VSTM2L: variants seen among roughly 807,000 people sequenced by gnomAD.
The protein encoded by VSTM2L is V-set and transmembrane domain containing 2 like, also known as V-set and transmembrane domain-containing protein 2-like protein.
In VSTM2L, 9 loss-of-function variants were observed where a neutral mutation model predicts 19.9. That is an observed-to-expected ratio of 0.45 (90% CI 0.27 to 0.79). The LOEUF is 0.79. Among genes scored for constraint, VSTM2L ranks in the 30% least tolerant of loss-of-function variants. VSTM2L has a pLI of 0.15. For synonymous variants in VSTM2L, 127 were observed against 133.8 expected (o/e 0.95, Z 0.35); for missense variants, 286 against 295.5 (o/e 0.97, Z 0.24).
chr20:37,943,660 G>C (rs1282369534), intron 3 of VSTM2L, among the ~76,000 whole-genome samples: 1 of 152,044 alleles, frequency 6.6e-6, no homozygotes, highest in African/African-American at 2.4e-5. Flanking sequence ...CATCCCCTGG[G>C]GGTGGGCAGC....
chr20:37,927,487 G>C (rs1189179318), intron 1 of VSTM2L, among the ~76,000 whole-genome samples: 3 of 152,220 alleles, frequency 2.0e-5, no homozygotes. Context: ...CGGTGGAGAA[G>C]TGGCCGTGTG....
At chr20:37,936,296 A>G (rs1346956921) in intron 3 of VSTM2L, among the ~76,000 whole-genome samples, 1 of 152,182 alleles carries the variant, frequency 6.6e-6, no homozygotes, top group Non-Finnish European at 1.5e-5. Context: ...CCCTGTGTCT[A>G]CAGGGAACAG....
chr20:37,922,779 C>T (rs993442984), intron 1 of VSTM2L, among the ~76,000 whole-genome samples: 1 of 152,104 alleles, frequency 6.6e-6, no homozygotes, highest in Admixed American at 6.5e-5. Flanking sequence ...CTGGGGGCTG[C>T]CTGTGCTGGA....
chr20:37,936,242 G>A (rs991636349), intron 3 of VSTM2L, among the ~76,000 whole-genome samples: 15 of 151,848 alleles, frequency 9.9e-5, no homozygotes, highest in Middle Eastern at 3.2e-3. Flanking sequence ...GTGACATGAC[G>A]TGAACGAGTG....
At chr20:37,914,251 GTA>G (rs1486225712) in intron 1 of VSTM2L, among the ~76,000 whole-genome samples, 1 of 150,176 alleles carries the variant, frequency 6.7e-6, no homozygotes, top group Non-Finnish European at 1.5e-5. Flanking sequence ...CTATGTGTGT[GTA>G]TATCTGTGTA....
chr20:37,944,524 A>C lies in VSTM2L; in HGVS notation c.*271A>C. ...CGCCCTGAACACTGGGGCAGGGACCATGCTGGGGCCCGGGGCCACCCCCTT... is the reference window on the plus strand; with the variant it reads ...CGCCCTGAACACTGGGGCAGGGACCCTGCTGGGGCCCGGGGCCACCCCCTT... On this transcript the variant is annotated 3_prime_UTR_variant, in exon 4 of 4. Coordinates refer to ENST00000373461, the MANE Select transcript of VSTM2L (RefSeq NM_080607.3). 4.2e-6 allele frequency: 5 copies of C among 1,196,324 alleles called. No individual in the cohort carries two copies. Among genetic ancestry groups the C allele is most frequent in the Non-Finnish European group, 4.1e-6 (4 of 966,568 alleles). 74.1% of individuals were successfully genotyped at this position (1,196,324 alleles called of 1,614,324 possible).
At chr20:37,921,155 G>C (rs982446785) in intron 1 of VSTM2L, among the ~76,000 whole-genome samples, 1 of 152,172 alleles carries the variant, frequency 6.6e-6, no homozygotes, top group Non-Finnish European at 1.5e-5. Flanking sequence ...GGAGACCTCT[G>C]GGGGCACCAA....
intron 1 of VSTM2L, among the ~76,000 whole-genome samples, chr20:37,921,169 G>C (rs1026616487): frequency 2.6e-5 from 4 of 152,326 alleles, no homozygotes; most frequent in South Asian, 2.1e-4. Flanking sequence ...GCACCAAGCA[G>C]GGCTTCCACC....
intron 1 of VSTM2L, among the ~76,000 whole-genome samples, chr20:37,923,765 G>A (rs906095221): frequency 6.6e-6 from 1 of 152,086 alleles, no homozygotes; most frequent in Non-Finnish European, 1.5e-5. Flanking sequence ...AGGGGGCCGG[G>A]TTACAGGCTT....
At chr20:37,911,293 A>AG (rs1199602723) in intron 1 of VSTM2L, among the ~76,000 whole-genome samples, 3 of 151,154 alleles carry the variant, frequency 2.0e-5, no homozygotes. Flanking sequence ...AACACAGAGA[A>AG]GGACACTCAC....
intron 1 of VSTM2L, among the ~76,000 whole-genome samples, chr20:37,905,146 A>G (rs2344916): frequency 0.28 from 41,906 of 151,798 alleles, 8,056 homozygotes; most frequent in African/African-American, 0.55. Flanking sequence ...ATTCCCTCCC[A>G]TTCTAGGGAA....
At chr20:37,913,439 T>C (rs1160378525) in intron 1 of VSTM2L, among the ~76,000 whole-genome samples, 2 of 152,206 alleles carry the variant, frequency 1.3e-5, no homozygotes. Flanking sequence ...CTGGAGTCCT[T>C]TCTCTCTCCC....
At chr20:37,926,488 A>G (rs2072879938) in intron 1 of VSTM2L, among the ~76,000 whole-genome samples, 2 of 152,180 alleles carry the variant, frequency 1.3e-5, no homozygotes, top group African/African-American at 2.4e-5. Context: ...GGTTGCAGTG[A>G]GCCGAGATCA....
At chr20:37,930,277 G>A (rs984302277) in intron 1 of VSTM2L, among the ~76,000 whole-genome samples, 1 of 152,210 alleles carries the variant, frequency 6.6e-6, no homozygotes, top group Non-Finnish European at 1.5e-5. Flanking sequence ...GGGACAGGGG[G>A]ATGAGAGAGG....
Position 37,944,832 on chromosome 20 carries a change from C to G in VSTM2L, c.*579C>G, listed in dbSNP as rs2072999153. 1 of 985,930 alleles carries G rather than the reference C, an allele frequency of 1.0e-6. No homozygotes were observed. Among genetic ancestry groups the G allele is most frequent in the Non-Finnish European group, 1.2e-6 (1 of 830,138 alleles). The allele number at this position is 985,930 out of a possible 1,614,324, so 61.1% of individuals were successfully genotyped here. A position where few individuals can be genotyped will look rare whatever the true frequency, so the allele number is the denominator to read the frequency against. On this transcript the variant is annotated 3_prime_UTR_variant, in exon 4 of 4. Coordinates refer to ENST00000373461, the MANE Select transcript of VSTM2L (RefSeq NM_080607.3). ...CTAGGGGAACAGCGAGATGCCCCAC[C>G]ACCTCCTGGCGAGTCCTTCCTGTTC...
At chr20:37,917,062 C>T (rs2072822586) in intron 1 of VSTM2L, among the ~76,000 whole-genome samples, 1 of 152,104 alleles carries the variant, frequency 6.6e-6, no homozygotes, top group African/African-American at 2.4e-5. Context: ...ACCTGTAATC[C>T]CAGCACTTCT....
At chr20:37,932,993 C>T (rs2072919290) in intron 2 of VSTM2L, among the ~76,000 whole-genome samples, 2 of 152,272 alleles carry the variant, frequency 1.3e-5, no homozygotes. Flanking sequence ...CACTTCCAGC[C>T]CTGCCACATG....
Position 37,903,141 on chromosome 20 carries a change from C to T in VSTM2L, c.-210C>T. 1 of 543,260 alleles carries T rather than the reference C, an allele frequency of 1.8e-6. No individual in the cohort carries two copies. The highest frequency in any genetic ancestry group is 2.6e-6 in the Non-Finnish European group (1 of 378,914). The allele number at this position is 543,260 out of a possible 1,614,324, so 33.7% of individuals were successfully genotyped here. On this transcript the variant is annotated 5_prime_UTR_variant, in exon 1 of 4. Transcript: ENST00000373461. ...GGAAGAGTCCCGCAGTCGGAGGCGG[C>T]CGGCTGGGCGTGCGCTCGCTCCCCG...
chr20:37,906,689 G>C (rs1314603376), intron 1 of VSTM2L, among the ~76,000 whole-genome samples: 1 of 152,176 alleles, frequency 6.6e-6, no homozygotes, highest in Non-Finnish European at 1.5e-5. Context: ...GGCAGCTCTG[G>C]GACTGCCTCC....
Sources: allele counts gnomAD v4.1 joint callset (sites outside exome capture counted in the v4.1 genomes callset), GRCh38; gene constraint gnomAD v4.1.1; transcripts MANE v1.5; gene names NCBI Gene and HGNC (gene_info 2026-07-23, HGNC 2026-07-21).